FKBP1A: variants seen among roughly 807,000 people sequenced by gnomAD.
The protein encoded by FKBP1A is peptidyl-prolyl cis-trans isomerase FKBP1A.
In FKBP1A, 5 loss-of-function variants were observed where a neutral mutation model predicts 14.2. The ratio of observed to expected loss-of-function variants is 0.35; its 90% confidence interval spans 0.18 to 0.74. The LOEUF (loss-of-function observed/expected upper bound fraction) is 0.74. Ranked by LOEUF, FKBP1A falls within the 30% of genes least tolerant of loss-of-function variation. FKBP1A has a pLI of 0.56. For synonymous variants in FKBP1A, 42 were observed against 49.1 expected, an observed-to-expected ratio of 0.86 and a Z score of 0.60; for missense variants, 53 against 138.8, an observed-to-expected ratio of 0.38 and a Z score of 3.10.
intron 2 of FKBP1A, among the ~76,000 whole-genome samples, chr20:1,392,243 C>T (rs2089746596): frequency 6.6e-6 from 1 of 152,192 alleles, no homozygotes; most frequent in African/African-American, 2.4e-5. Context: ...GGCCGTGCAG[C>T]TCTACTTCCC....
At position 1,386,594 on chromosome 20, in the gene FKBP1A, A is replaced by T. The variant is rs997402830; in HGVS notation, c.85+6240T>A. Among the ~76,000 whole-genome samples the T allele has an allele frequency of 6.6e-6, 1 of 152,216 alleles. No individual in the cohort carries two copies. The highest frequency in any genetic ancestry group is 2.4e-5 in the African/African-American group (1 of 41,450). On this transcript the variant is annotated intron_variant, in intron 2 of 4. Coordinates refer to ENST00000400137, the MANE Select transcript of FKBP1A (RefSeq NM_000801.5). The surrounding 1 kb of genome is among the most constrained non-coding windows in gnomAD (Gnocchi z 4.7). ...ATTAGAAGCATGCATGTATGCATCC[A>T]AAGTGTTACTTAAGCTGTGCTATAA...
intron 3 of FKBP1A, among the ~76,000 whole-genome samples, chr20:1,372,521 T>C (rs2089480436): frequency 6.6e-6 from 1 of 152,156 alleles, no homozygotes; most frequent in South Asian, 2.1e-4. Flanking sequence ...CAAGTCTTAA[T>C]GACTAATGCT....
Position 1,392,338 on chromosome 20 carries a change from G to A in FKBP1A, c.85+496C>T, listed in dbSNP as rs185594264. Among the ~76,000 whole-genome samples the A allele has an allele frequency of 1.2e-3, 188 of 152,298 alleles. 1 individual carries two copies. The highest frequency in any genetic ancestry group is 3.4e-3 in the Middle Eastern group (1 of 294). On this transcript the variant is annotated intron_variant, in intron 2 of 4. Transcript: ENST00000400137. ...CAAAGGGGCGAATTCCGAGTTCCCC[G>A]GAGGAAGCAGCAGCTCTGCAGACTC...
chr20:1,375,184 C>T (rs1382870484), intron 3 of FKBP1A: 12 of 523,498 alleles, frequency 2.3e-5, no homozygotes, highest in South Asian at 1.5e-4. Context: ...CATGAGCCAC[C>T]GCGCCCAGCC....
At chr20:1,384,007 C>G (rs757564791) in intron 2 of FKBP1A, among the ~76,000 whole-genome samples, 1 of 152,106 alleles carries the variant, frequency 6.6e-6, no homozygotes, top group Non-Finnish European at 1.5e-5. Flanking sequence ...CACAGAAGTT[C>G]TCTTAACCAC....
chr20:1,376,044 T>C (rs2089538477), intron 2 of FKBP1A, among the ~76,000 whole-genome samples: 1 of 152,186 alleles, frequency 6.6e-6, no homozygotes, highest in Admixed American at 6.5e-5. Flanking sequence ...CTTTCACATA[T>C]AATGTGTGTA....
intron 2 of FKBP1A, among the ~76,000 whole-genome samples, chr20:1,387,406 GAATA>G (rs1248569675): frequency 6.6e-6 from 1 of 152,062 alleles, no homozygotes; most frequent in Non-Finnish European, 1.5e-5. Flanking sequence ...GCATCAAAAA[GAATA>G]ATGGGTATCA....
At chr20:1,388,875 C>G (rs1367676383) in intron 2 of FKBP1A, among the ~76,000 whole-genome samples, 1 of 152,158 alleles carries the variant, frequency 6.6e-6, no homozygotes, top group Non-Finnish European at 1.5e-5. Context: ...CATACCCTTT[C>G]ACACAATCCA....
At position 1,369,810 on chromosome 20, in the gene FKBP1A, A is replaced by G; in HGVS notation, c.*299T>C. ...ACCATGTACTTAATTGGAAACCTAT[A>G]TCCAAAAGACTGAAACTGAATCTTC... On this transcript the variant is annotated 3_prime_UTR_variant, in exon 5 of 5. Transcript: ENST00000400137. The G allele has an allele frequency of 2.1e-6, 1 of 466,122 alleles. No homozygotes were observed. 28.9% of individuals were successfully genotyped at this position (466,122 alleles called of 1,614,324 possible). A position where few individuals can be genotyped will look rare whatever the true frequency, so the allele number is the denominator to read the frequency against.
At chr20:1,371,133 G>A in intron 4 of FKBP1A, 2 of 985,436 alleles carry the variant, frequency 2.0e-6, no homozygotes, top group Non-Finnish European at 2.4e-6. Flanking sequence ...GGCCTTGGCT[G>A]TGACCCTCTG....
intron 2 of FKBP1A, chr20:1,391,747 GGA>G (rs2089739686): frequency 3.5e-6 from 1 of 286,524 alleles, no homozygotes; most frequent in African/African-American, 4.9e-5. Flanking sequence ...AGGAAGAGGA[GGA>G]GAGGGAGTGG....
intron 2 of FKBP1A, among the ~76,000 whole-genome samples, chr20:1,390,059 G>C (rs2122710831): frequency 6.6e-6 from 1 of 152,290 alleles, no homozygotes; most frequent in Middle Eastern, 3.4e-3. Context: ...CCTTGAGAGT[G>C]ACATCAAGGT....
At chr20:1,373,169 G>C (rs1205034659) in intron 3 of FKBP1A, 2 of 152,208 alleles carry the variant, frequency 1.3e-5, no homozygotes, top group African/African-American at 2.4e-5. Flanking sequence ...AAGGTGGTAA[G>C]GATAGTGAGG....
chr20:1,391,910 C>G (rs570072938), intron 2 of FKBP1A, among the ~76,000 whole-genome samples: 1 of 152,142 alleles, frequency 6.6e-6, no homozygotes, highest in Non-Finnish European at 1.5e-5. Context: ...ACTGAGTCTC[C>G]GCCAACTCAG....
At chr20:1,391,171 T>C (rs758250787) in intron 2 of FKBP1A, among the ~76,000 whole-genome samples, 11 of 152,056 alleles carry the variant, frequency 7.2e-5, no homozygotes, top group Non-Finnish European at 1.2e-4. Flanking sequence ...AGCACCCTAG[T>C]GTGGCTATGT....
At chr20:1,389,638 C>T (rs1008089532) in intron 2 of FKBP1A, among the ~76,000 whole-genome samples, 3 of 152,122 alleles carry the variant, frequency 2.0e-5, no homozygotes, top group Non-Finnish European at 4.4e-5. Context: ...AAACCTGATC[C>T]CAAGGACAAA....
At chr20:1,375,802 C>CCTGA (rs1260810798) in intron 2 of FKBP1A, among the ~76,000 whole-genome samples, 199 bp from the exon 3 acceptor site, 2 of 152,036 alleles carry the variant, frequency 1.3e-5, no homozygotes, top group African/African-American at 4.8e-5. Context: ...AATGCTCTTC[C>CCTGA]CTGACTCCAA....
intron 3 of FKBP1A, among the ~76,000 whole-genome samples, 194 bp from the exon 4 acceptor site, chr20:1,372,434 T>C (rs1046741130): frequency 6.6e-6 from 1 of 152,202 alleles, no homozygotes; most frequent in Non-Finnish European, 1.5e-5. Context: ...CACCCCTGCA[T>C]CTCACTCCAA....
intron 2 of FKBP1A, chr20:1,391,738 G>A (rs2089739387): frequency 2.9e-6 from 1 of 347,074 alleles, no homozygotes; most frequent in Non-Finnish European, 5.0e-6. Flanking sequence ...CCCAGGAGGA[G>A]GAAGAGGAGG....
Sources: gnomAD v4.1 joint callset for allele counts (sites outside exome capture counted in the v4.1 genomes callset) on GRCh38, gnomAD v4.1.1 for gene constraint, Gnocchi (gnomAD v3.1) non-coding constraint, MANE v1.5 for transcripts, NCBI Gene and HGNC (gene_info 2026-07-23, HGNC 2026-07-21) for gene names.